The following NID1 variants were observed in gnomAD, a reference collection of about 807,000 sequenced individuals.
NID1 encodes the protein nidogen 1.
NID1 carries 76 observed loss-of-function variants against 130.6 expected under a neutral mutation model. The ratio of observed to expected loss-of-function variants is 0.58; its 90% CI spans 0.48 to 0.70. NID1 has a LOEUF of 0.70. NID1 is among the 30% of genes least tolerant of loss of function. The pLI is 0.00. For synonymous variants in NID1, 665 were observed against 675.1 expected (o/e 0.98, Z 0.23); for missense variants, 1,517 against 1,664.8 (o/e 0.91, Z 1.54).
At chr1:235,985,260 A>G (rs944548675) in intron 15 of NID1, 119 bp downstream of exon 15, 16 of 1,096,372 alleles carry the variant, frequency 1.5e-5, no homozygotes, top group Middle Eastern at 5.2e-4. Flanking sequence ...GTAATGCAAC[A>G]AAAGACTGAG....
At chr1:236,013,665 C>T in intron 10 of NID1, 105 bp from the exon 11 acceptor site, 1 of 1,310,596 alleles carries the variant, frequency 7.6e-7, no homozygotes, top group South Asian at 1.3e-5. Flanking sequence ...GACCCTAGAC[C>T]TCTAGGCATG....
At chr1:236,005,756 T>C (rs896602239) in intron 12 of NID1, among the ~76,000 whole-genome samples, 15 of 152,160 alleles carry the variant, frequency 9.9e-5, no homozygotes, top group Admixed American at 8.5e-4. Flanking sequence ...AATTTTAAAA[T>C]GAACAAAAAT....
chr1:236,014,539 T>TTATCAGCTAGCCTCTGTGACAC, intron 10 of NID1, among the ~76,000 whole-genome samples: 1 of 152,226 alleles, frequency 6.6e-6, no homozygotes, highest in Admixed American at 6.5e-5. Context: ...AGATGGGGCA[T>TTATCAGCTAGCCTCTGTGACAC]TATCAGCTAG....
At chr1:236,006,053 T>C (rs1658239411) in intron 12 of NID1, among the ~76,000 whole-genome samples, 1 of 152,226 alleles carries the variant, frequency 6.6e-6, no homozygotes, top group Admixed American at 6.5e-5. Context: ...TATTTTTCTC[T>C]TGGGAGACTG....
chr1:235,990,951 C>T lies in NID1; in HGVS notation c.2863G>A (p.Glu955Lys), dbSNP rs1186377712. 6.2e-7 allele frequency: 1 copy of T among 1,614,150 alleles called. No homozygotes were observed. Among genetic ancestry groups the T allele is most frequent in the Non-Finnish European group, 8.5e-7 (1 of 1,180,026 alleles). The change falls in exon 14 of 20, where the codon GAG becomes AAG. Residue 955 changes from glutamate (E) to lysine (K), a missense_variant. This residue lies in a region of NID1 where 1,329 missense variants were observed against 1,429.2 expected (regional missense o/e 0.93). Coordinates refer to ENST00000264187, the MANE Select transcript of NID1 (RefSeq NM_002508.3). ...HLLFAQTGKI[E>K]RLPLEGNTMR... ...GTATTTCCCTCCAGGGGCAGGCGCT[C>T]AATCTTCCCAGTCTGGGCAAAGAGT...
intron 1 of NID1, among the ~76,000 whole-genome samples, chr1:236,063,471 CAA>C (rs34798558): frequency 4.4e-5 from 6 of 136,932 alleles, no homozygotes; most frequent in Admixed American, 7.2e-5. Context: ...GACTCTGTCT[CAA>C]AAAAAAAAAT....
At chr1:235,995,219 C>T (rs1657888557) in intron 12 of NID1, among the ~76,000 whole-genome samples, 1 of 152,156 alleles carries the variant, frequency 6.6e-6, no homozygotes, top group Non-Finnish European at 1.5e-5. Flanking sequence ...ATTTCCTAAA[C>T]AATACAACAA....
chr1:236,008,271 T>C (rs1658306257), intron 12 of NID1, among the ~76,000 whole-genome samples: 1 of 152,136 alleles, frequency 6.6e-6, no homozygotes, highest in Admixed American at 6.5e-5. Flanking sequence ...GAGGAACAAA[T>C]CGCAATTTCT....
At position 236,032,734 on chromosome 1, in the gene NID1, C is replaced by A. The variant is rs529322256; in HGVS notation, c.1286-82G>T. ...CACGAGTAATATGTAGGACCTGTACCTATTGGTGAAGAAAGCAAAGAAACA... is the reference window on the plus strand; with the variant it reads ...CACGAGTAATATGTAGGACCTGTACATATTGGTGAAGAAAGCAAAGAAACA... On this transcript the variant is annotated intron_variant, in intron 5 of 19. Coordinates refer to ENST00000264187, the MANE Select transcript of NID1 (RefSeq NM_002508.3). 9 of 1,527,490 alleles carry A rather than the reference C, an allele frequency of 5.9e-6. No individual in the cohort carries two copies. The South Asian group carries it at 6.5e-5, about 11-fold the overall frequency. The allele number at this position is 1,527,490 out of a possible 1,614,324, so 94.6% of individuals were successfully genotyped here. A position where few individuals can be genotyped will look rare whatever the true frequency, so the allele number is the denominator to read the frequency against.
chr1:235,982,302 A>G (rs115626148), intron 15 of NID1, among the ~76,000 whole-genome samples: 4,045 of 152,286 alleles, frequency 0.027, 182 homozygotes, highest in African/African-American at 0.09. Flanking sequence ...ATGTCATTGT[A>G]TGTGGCTGGA....
At chr1:236,061,945 G>A (rs550595545) in intron 1 of NID1, among the ~76,000 whole-genome samples, 3 of 152,262 alleles carry the variant, frequency 2.0e-5, no homozygotes, top group East Asian at 3.9e-4. Flanking sequence ...TGAGGACGTC[G>A]AGAAATCGGA....
Position 235,979,159 on chromosome 1 carries a change from T to C in NID1, c.3510-52A>G. 1.7e-6 allele frequency: 2 copies of C among 1,181,524 alleles called. No individual in the cohort carries two copies. Among genetic ancestry groups the C allele is most frequent in the African/African-American group, 1.5e-5 (1 of 66,648 alleles). The allele number at this position is 1,181,524 out of a possible 1,614,324, so 73.2% of individuals were successfully genotyped here. On this transcript the variant is annotated intron_variant, in intron 18 of 19. Transcript: ENST00000264187. The surrounding 1 kb of genome is among the most constrained non-coding windows in gnomAD (Gnocchi z 4.6). ...GAAAACACATCTGATGGCTTGAACT[T>C]GTATCTAAACAAGGCAGCCTCTTTG...
intron 9 of NID1, among the ~76,000 whole-genome samples, chr1:236,022,764 A>G (rs1370171433): frequency 6.6e-6 from 1 of 151,862 alleles, no homozygotes; most frequent in Non-Finnish European, 1.5e-5. Context: ...GGTTCCTCAA[A>G]AAATTAAAGA....
At chr1:236,014,437 A>C (rs1335249543) in intron 10 of NID1, among the ~76,000 whole-genome samples, 1 of 152,120 alleles carries the variant, frequency 6.6e-6, no homozygotes, top group Admixed American at 6.5e-5. Flanking sequence ...AGCAAAATGC[A>C]ATGGTGCCTT....
chr1:236,064,215 G>C, intron 1 of NID1, among the ~76,000 whole-genome samples: 1 of 152,160 alleles, frequency 6.6e-6, no homozygotes, highest in East Asian at 1.9e-4. Flanking sequence ...ATCTGGTCCC[G>C]CTCCTCGTTT....
At chr1:236,007,579 T>TTCTC (rs149604439) in intron 12 of NID1, among the ~76,000 whole-genome samples, 1 of 151,230 alleles carries the variant, frequency 6.6e-6, no homozygotes, top group African/African-American at 2.4e-5. Context: ...CAGTCTCTCT[T>TTCTC]TCTCTCTCTC....
intron 12 of NID1, among the ~76,000 whole-genome samples, chr1:236,004,032 CAA>C (rs36021098): frequency 0.047 from 5,467 of 116,306 alleles, 192 homozygotes; most frequent in African/African-American, 0.13. Context: ...GACTCTGTCT[CAA>C]AAAAAAAAAA....
intron 15 of NID1, among the ~76,000 whole-genome samples, chr1:235,982,214 C>T (rs1396421377): frequency 6.6e-6 from 1 of 152,068 alleles, no homozygotes; most frequent in East Asian, 1.9e-4. Context: ...AACAAGGATC[C>T]TGGATGAGGG....
intron 7 of NID1, among the ~76,000 whole-genome samples, chr1:236,028,682 G>GTATGCA (rs1427657155): frequency 1.5e-4 from 20 of 133,086 alleles, no homozygotes; most frequent in East Asian, 5.2e-4. Context: ...CAAATGGTCA[G>GTATGCA]TATACATATA....
Sources: gnomAD v4.1 joint callset for allele counts (sites outside exome capture counted in the v4.1 genomes callset) on GRCh38, gnomAD v4.1.1 for gene constraint, gnomAD v4.1.1 regional missense constraint, Gnocchi (gnomAD v3.1) non-coding constraint, MANE v1.5 for transcripts, NCBI Gene and HGNC (gene_info 2026-07-23, HGNC 2026-07-21) for gene names.